PDK1: variants seen among roughly 807,000 people sequenced by gnomAD.
PDK1 encodes pyruvate dehydrogenase kinase 1.
Under a neutral mutation model 54.2 loss-of-function variants are expected in PDK1, and 39 were observed. The observed-to-expected ratio is 0.72, with a 90% confidence interval of 0.56 to 0.94. PDK1 has a LOEUF of 0.94. PDK1 is among the 40% of genes least tolerant of loss of function. The pLI is 0.00. For missense variants in PDK1, 552 were observed against 566.0 expected (o/e 0.98, Z 0.25); for synonymous variants, 221 against 207.1 (o/e 1.07, Z -0.58).
intron 10 of PDK1, among the ~76,000 whole-genome samples, chr2:172,594,668 G>C (rs1421692977): frequency 6.6e-6 from 1 of 152,150 alleles, no homozygotes; most frequent in East Asian, 1.9e-4. Flanking sequence ...AGGGAAAATA[G>C]AAGATAAGAA....
chr2:172,701,643 GTTTTGT>G, the PDK1 span, among the ~76,000 whole-genome samples: 3 of 47,430 alleles, frequency 6.3e-5, no homozygotes, highest in African/African-American at 4.2e-4. Flanking sequence ...TTTTTTTTTT[GTTTTGT>G]TTTTTTTTTT....
chr2:172,665,697 A>G, the PDK1 span, among the ~76,000 whole-genome samples: 7 of 152,322 alleles, frequency 4.6e-5, no homozygotes, highest in Non-Finnish European at 8.8e-5. Context: ...CCCAGTTTGC[A>G]CAGGAAGAAT....
the PDK1 span, among the ~76,000 whole-genome samples, chr2:172,647,920 G>A: frequency 6.6e-6 from 1 of 152,144 alleles, no homozygotes; most frequent in Non-Finnish European, 1.5e-5. Context: ...TAAGACATAA[G>A]GAAGGTCACA....
At position 172,565,671 on chromosome 2, in the gene PDK1, G is replaced by A. The variant is rs75443341; in HGVS notation, c.691+598G>A. On this transcript the variant is annotated intron_variant, in intron 5 of 10. Transcript: ENST00000282077. ...GTTTCTAATTCTTACACTATGAGCA[G>A]TAATTCATAACAATTTGGTTTGAAT... 2.7e-3 allele frequency among the ~76,000 whole-genome samples: 405 copies of A among 152,240 alleles called. 19 individuals carry two copies. The South Asian group carries it at 0.055, about 21-fold the overall frequency.
intron 9 of PDK1, among the ~76,000 whole-genome samples, chr2:172,587,628 C>G (rs968878688): frequency 6.6e-6 from 1 of 151,396 alleles, no homozygotes; most frequent in African/African-American, 2.4e-5. Flanking sequence ...CTTCTACAGC[C>G]TGGAAGGGTA....
At chr2:172,692,923 G>C in the PDK1 span, among the ~76,000 whole-genome samples, 1 of 152,342 alleles carries the variant, frequency 6.6e-6, no homozygotes, top group South Asian at 2.1e-4. Context: ...AGTTCAACCA[G>C]ATTGGGTTGG....
chr2:172,670,973 G>A, the PDK1 span, among the ~76,000 whole-genome samples: 21 of 152,144 alleles, frequency 1.4e-4, no homozygotes, highest in South Asian at 2.1e-4. Context: ...AAATGCTAAC[G>A]TGTTGACTTT....
At chr2:172,708,905 T>C in the PDK1 span, among the ~76,000 whole-genome samples, 1 of 152,238 alleles carries the variant, frequency 6.6e-6, no homozygotes, top group Non-Finnish European at 1.5e-5. Flanking sequence ...ATCATGTTGG[T>C]GTTCAGCAAG....
chr2:172,619,339 C>A, the PDK1 span, among the ~76,000 whole-genome samples: 1 of 152,164 alleles, frequency 6.6e-6, no homozygotes, highest in East Asian at 1.9e-4. Flanking sequence ...AGGATTTCTC[C>A]TCTGTCTTCC....
chr2:172,591,339 G>C (rs1489150090), intron 9 of PDK1, among the ~76,000 whole-genome samples: 1 of 152,168 alleles, frequency 6.6e-6, no homozygotes, highest in African/African-American at 2.4e-5. Context: ...AACGCCGGGC[G>C]GCATCTCATA....
At chr2:172,663,847 C>T in the PDK1 span, among the ~76,000 whole-genome samples, 1 of 152,098 alleles carries the variant, frequency 6.6e-6, no homozygotes, top group African/African-American at 2.4e-5. Context: ...CCTAAATCTT[C>T]GTGGCCATAG....
chr2:172,558,565 T>G, intron 1 of PDK1, 143 bp from the exon 2 acceptor site: 1 of 679,158 alleles, frequency 1.5e-6, no homozygotes, highest in Non-Finnish European at 2.4e-6. Flanking sequence ...CAGGTGTATC[T>G]TTGCCTCCTA....
chr2:172,668,894 C>T, the PDK1 span, among the ~76,000 whole-genome samples: 87 of 113,184 alleles, frequency 7.7e-4, no homozygotes, highest in Admixed American at 1.2e-3. Flanking sequence ...CACACACACA[C>T]ATATATATAT....
the PDK1 span, among the ~76,000 whole-genome samples, chr2:172,693,478 GGTT>G: frequency 6.6e-6 from 1 of 152,174 alleles, no homozygotes; most frequent in African/African-American, 2.4e-5. Flanking sequence ...TACTTCATAG[GGTT>G]GTTGTGAAAA....
chr2:172,568,060 G>A (rs898567020), intron 6 of PDK1, among the ~76,000 whole-genome samples: 1 of 152,150 alleles, frequency 6.6e-6, no homozygotes, highest in Non-Finnish European at 1.5e-5. Flanking sequence ...TGGGCTGGGC[G>A]CAGTGGCTCA....
the PDK1 span, among the ~76,000 whole-genome samples, chr2:172,695,938 T>G: frequency 6.6e-6 from 1 of 152,018 alleles, no homozygotes; most frequent in Non-Finnish European, 1.5e-5. Context: ...TTTGGGAGGC[T>G]GAGATGGGTG....
At chr2:172,636,966 A>G in the PDK1 span, among the ~76,000 whole-genome samples, 1 of 152,350 alleles carries the variant, frequency 6.6e-6, no homozygotes, top group Non-Finnish European at 1.5e-5. Flanking sequence ...ACCAAAGGGT[A>G]AACAGTAAGT....
At chr2:172,626,040 A>G in the PDK1 span, among the ~76,000 whole-genome samples, 2 of 152,210 alleles carry the variant, frequency 1.3e-5, no homozygotes, top group African/African-American at 4.8e-5. Context: ...TTCAAAATGC[A>G]GTCATGTATT....
the PDK1 span, among the ~76,000 whole-genome samples, chr2:172,714,006 C>G: frequency 7.2e-5 from 11 of 152,264 alleles, no homozygotes; most frequent in African/African-American, 2.6e-4. Flanking sequence ...GGAGAAAAGA[C>G]GACAGATGAA....
Sources: gnomAD v4.1 joint callset for allele counts (sites outside exome capture counted in the v4.1 genomes callset) on GRCh38, gnomAD v4.1.1 for gene constraint, MANE v1.5 for transcripts, NCBI Gene and HGNC (gene_info 2026-07-23, HGNC 2026-07-21) for gene names.